The following GPC5 variants were observed in gnomAD, a reference collection of about 807,000 sequenced individuals.
GPC5 encodes the protein glypican-5.
GPC5 carries 47 observed loss-of-function variants against 53.9 expected under a neutral mutation model. That is an observed-to-expected ratio of 0.87 (90% CI 0.69 to 1.11). The LOEUF (loss-of-function observed/expected upper bound fraction) is 1.11. GPC5 is among the 50% of genes most tolerant of loss of function. The pLI, the probability that GPC5 is intolerant of heterozygous loss-of-function variation, is 0.00. For synonymous variants in GPC5, 286 were observed against 263.3 expected (o/e 1.09, Z -0.84); for missense variants, 748 against 713.1 (o/e 1.05, Z -0.56).
intron 2 of GPC5, among the ~76,000 whole-genome samples, chr13:91,547,818 A>C (rs1594237469): frequency 1.3e-5 from 2 of 152,306 alleles, no homozygotes; most frequent in African/African-American, 4.8e-5. Context: ...CCGTTGGTTG[A>C]ACATTTGAAA....
At chr13:92,029,122 A>T (rs2040821873) in intron 6 of GPC5, among the ~76,000 whole-genome samples, 1 of 152,160 alleles carries the variant, frequency 6.6e-6, no homozygotes, top group African/African-American at 2.4e-5. Flanking sequence ...ATTTTTTACT[A>T]GCTCAGTATC....
At chr13:92,034,602 G>A (rs984145689) in intron 6 of GPC5, among the ~76,000 whole-genome samples, 1 of 152,136 alleles carries the variant, frequency 6.6e-6, no homozygotes, top group African/African-American at 2.4e-5. Context: ...GATAGGAATG[G>A]ATACAATGGG....
chr13:92,478,506 G>A (rs1879232304), intron 7 of GPC5, among the ~76,000 whole-genome samples: 1 of 152,194 alleles, frequency 6.6e-6, no homozygotes, highest in Non-Finnish European at 1.5e-5. Context: ...CTGCAAAAGT[G>A]ATAATTCGCT....
At chr13:92,704,278 T>C in intron 7 of GPC5, among the ~76,000 whole-genome samples, 1 of 151,902 alleles carries the variant, frequency 6.6e-6, no homozygotes, top group East Asian at 1.9e-4. Context: ...CAGCCACAGT[T>C]AAGTTTGGTA....
rs984292635 is a variant in GPC5, at chr13:91,450,772, AT to A, written c.325+1856del. Among the ~76,000 whole-genome samples, 19 of 152,162 alleles carry A rather than the reference AT, an allele frequency of 1.2e-4. No homozygotes were observed. The East Asian group carries it at 2.7e-3, about 22-fold the overall frequency. On this transcript the variant is annotated intron_variant, in intron 2 of 7. Coordinates refer to ENST00000377067, the MANE Select transcript of GPC5 (RefSeq NM_004466.6). ...AAATATAGAGACATTCTTAAATATG[AT>A]TTTTTAATAATAAATTATAATTTCT...
chr13:92,661,295 A>G (rs967285411), intron 7 of GPC5, among the ~76,000 whole-genome samples: 3 of 151,932 alleles, frequency 2.0e-5, no homozygotes, highest in Non-Finnish European at 4.4e-5. Context: ...CCCTCTCTCA[A>G]AAAAAAACAT....
At chr13:92,636,662 A>G (rs1885413478) in intron 7 of GPC5, among the ~76,000 whole-genome samples, 1 of 152,120 alleles carries the variant, frequency 6.6e-6, no homozygotes, top group Admixed American at 6.6e-5. Context: ...CCGTAATTTT[A>G]TATATTGCTT....
Position 91,693,613 on chromosome 13 carries a change from C to A in GPC5, c.752C>A (p.Ala251Asp). ...YLHFSKECSR[A>D]LLKMQYCPHC... The stretch of plus-strand genomic sequence containing the variant: ...CACTTCTCCAAAGAGTGCAGCAGAG[C>A]CCTCCTGAAGATGCAATACTGCCCG... Residue 251 changes from alanine (A) to aspartate (D), a missense_variant, in exon 3 of 8, where the codon GCC becomes GAC. Coordinates refer to ENST00000377067, the MANE Select transcript of GPC5 (RefSeq NM_004466.6). 6.2e-7 allele frequency: 1 copy of A among 1,614,096 alleles called. No individual in the cohort carries two copies. Among genetic ancestry groups the A allele is most frequent in the Non-Finnish European group, 8.5e-7 (1 of 1,179,994 alleles).
intron 7 of GPC5, among the ~76,000 whole-genome samples, chr13:92,336,985 A>G (rs940604653): frequency 1.3e-5 from 2 of 152,072 alleles, no homozygotes; most frequent in African/African-American, 2.4e-5. Flanking sequence ...CTTATTCACT[A>G]TCATGAGAAC....
chr13:92,334,150 A>T (rs1179957798), intron 7 of GPC5, among the ~76,000 whole-genome samples: 1 of 152,150 alleles, frequency 6.6e-6, no homozygotes, highest in Non-Finnish European at 1.5e-5. Flanking sequence ...AATACCCAAG[A>T]CTGAGTAATT....
At chr13:91,935,409 G>A in intron 6 of GPC5, among the ~76,000 whole-genome samples, 1 of 151,970 alleles carries the variant, frequency 6.6e-6, no homozygotes, top group East Asian at 1.9e-4. Flanking sequence ...AGAGAAACCA[G>A]AGAGCTACTA....
In GPC5 at chr13:92,039,053, G is replaced by A. The variant is rs557671928; in HGVS notation, c.1402-105777G>A. Among the ~76,000 whole-genome samples the A allele has an allele frequency of 4.6e-5, 7 of 152,286 alleles. No homozygotes were observed. In the South Asian group the frequency reaches 6.2e-4, roughly 14 times the overall value. On this transcript the variant is annotated intron_variant, in intron 6 of 7. Transcript: ENST00000377067. ...TTGAAATTTTCTATTAAGCAAGAAA[G>A]AAATAATTGGTGACTTGATCAGAGC...
chr13:92,396,893 G>C (rs955024593), intron 7 of GPC5, among the ~76,000 whole-genome samples: 5 of 152,152 alleles, frequency 3.3e-5, no homozygotes, highest in African/African-American at 9.7e-5. Context: ...TCTTTCTCCA[G>C]CTGAGAAAAG....
At chr13:92,071,069 C>G (rs2041207359) in intron 6 of GPC5, among the ~76,000 whole-genome samples, 1 of 152,060 alleles carries the variant, frequency 6.6e-6, no homozygotes, top group South Asian at 2.1e-4. Flanking sequence ...AACCCTGTCT[C>G]TACTAAAAAT....
At chr13:92,233,152 C>T (rs766382174) in intron 7 of GPC5, among the ~76,000 whole-genome samples, 2 of 152,126 alleles carry the variant, frequency 1.3e-5, no homozygotes, top group Non-Finnish European at 2.9e-5. Flanking sequence ...TGTGGCACCA[C>T]GTCAGAAAGA....
intron 6 of GPC5, among the ~76,000 whole-genome samples, chr13:92,047,280 C>CT (rs1272723676): frequency 6.6e-6 from 1 of 152,006 alleles, no homozygotes; most frequent in African/African-American, 2.4e-5. Flanking sequence ...ATTAAATCAT[C>CT]TTAGATCTGA....
chr13:91,739,456 T>G (rs2036882872), intron 4 of GPC5, among the ~76,000 whole-genome samples: 1 of 151,502 alleles, frequency 6.6e-6, no homozygotes, highest in African/African-American at 2.5e-5. Flanking sequence ...ATTATCCTAT[T>G]TTCTGTTAGG....
intron 5 of GPC5, among the ~76,000 whole-genome samples, chr13:91,882,897 G>A (rs901323782): frequency 6.6e-6 from 1 of 152,060 alleles, no homozygotes; most frequent in African/African-American, 2.4e-5. Flanking sequence ...ATCAGGAAAG[G>A]AAGCTAGAGA....
At chr13:91,729,758 G>T (rs2036654357) in intron 4 of GPC5, among the ~76,000 whole-genome samples, 1 of 152,090 alleles carries the variant, frequency 6.6e-6, no homozygotes, top group South Asian at 2.1e-4. Flanking sequence ...AGTATATTTT[G>T]TCTAGGGTGT....
Sources: allele counts gnomAD v4.1 joint callset (sites outside exome capture counted in the v4.1 genomes callset), GRCh38; gene constraint gnomAD v4.1.1; transcripts MANE v1.5; gene names NCBI Gene and HGNC (gene_info 2026-07-23, HGNC 2026-07-21).